Variants in NLGN4X observed in about 807,000 individuals in gnomAD.
NLGN4X encodes neuroligin 4 X-linked.
NLGN4X carries 3 observed loss-of-function variants against 40.3 expected under a neutral mutation model. The ratio of observed to expected loss-of-function variants is 0.07; its 90% confidence interval spans 0.03 to 0.19. NLGN4X has a LOEUF of 0.19. Among genes scored for constraint, NLGN4X ranks in the 10% least tolerant of loss-of-function variants. The pLI is 1.00. For missense variants in NLGN4X, 382 were observed against 708.3 expected (o/e 0.54, Z 5.23); for synonymous variants, 270 against 306.8 (o/e 0.88, Z 1.25).
intron 3 of NLGN4X, among the ~76,000 whole-genome samples, chrX:5,925,873 C>T (rs937552287): frequency 0.027 from 257 of 9,459 alleles, 3 homozygotes; most frequent in African/African-American, 0.068. Context: ...TATATATATA[C>T]ATACACACAT....
chrX:6,210,898 C>T (rs1924548760), intron 1 of NLGN4X, among the ~76,000 whole-genome samples: 1 of 112,210 alleles, frequency 8.9e-6, no homozygotes, highest in African/African-American at 3.2e-5. Context: ...AGAGGAACTA[C>T]TGTTGATAAT....
intron 2 of NLGN4X, among the ~76,000 whole-genome samples, chrX:6,083,487 G>A (rs2038421057): frequency 8.9e-6 from 1 of 111,998 alleles, no homozygotes; most frequent in African/African-American, 3.3e-5. Context: ...GCATCACTTA[G>A]CCACTGAAAG....
intron 1 of NLGN4X, among the ~76,000 whole-genome samples, chrX:6,184,998 G>A (rs1429303743): frequency 2.7e-5 from 3 of 112,410 alleles, no homozygotes; most frequent in Middle Eastern, 4.6e-3. Flanking sequence ...TAGACCTTAC[G>A]GCTACTGGTT....
At chrX:6,205,632 C>A (rs901511752) in intron 1 of NLGN4X, among the ~76,000 whole-genome samples, 1 of 111,901 alleles carries the variant, frequency 8.9e-6, no homozygotes, top group Non-Finnish European at 1.9e-5. Context: ...CTGGAGAAAC[C>A]CAACGTTGCA....
At chrX:6,106,469 T>C (rs947438298) in intron 2 of NLGN4X, among the ~76,000 whole-genome samples, 2 of 111,513 alleles carry the variant, frequency 1.8e-5, no homozygotes, top group Non-Finnish European at 3.8e-5. Flanking sequence ...GCATCCACCA[T>C]TACAGTATAA....
intron 3 of NLGN4X, among the ~76,000 whole-genome samples, chrX:5,909,753 A>G (rs2032393350): frequency 9.0e-6 from 1 of 110,963 alleles, no homozygotes; most frequent in Non-Finnish European, 1.9e-5. Flanking sequence ...AGTTATTAAC[A>G]TTTTGTTTTA....
chrX:6,228,677 A>T lies in NLGN4X; in HGVS notation c.-442T>A, dbSNP rs1298839233. ...AGCCTTCCCCTTCTGGAACCCCCCA[A>T]CTAGATTTCCTCATCCAGAGGAATG... is the stretch of plus-strand genomic sequence containing the variant. On this transcript the variant is annotated 5_prime_UTR_variant, in exon 1 of 6. It adds an upstream start codon to the 5' untranslated region. Transcript: ENST00000381095. The T allele has an allele frequency of 9.0e-6, 1 of 110,952 alleles. No individual in the cohort carries two copies. Among genetic ancestry groups the T allele is most frequent in the Non-Finnish European group, 1.9e-5 (1 of 53,022 alleles). The allele number at this position is 110,952 out of a possible 1,213,427, so 9.1% of individuals were successfully genotyped here.
intron 3 of NLGN4X, among the ~76,000 whole-genome samples, chrX:6,005,013 C>A (rs1340427780): frequency 8.9e-6 from 1 of 111,925 alleles, no homozygotes. Flanking sequence ...TGCAATCCAG[C>A]AAGAAAACAA....
rs1009180742 is a variant in NLGN4X at position 5,924,321 on chromosome X, T to A, written c.626-15082A>T. 1.1e-4 allele frequency among the ~76,000 whole-genome samples: 12 copies of A among 110,217 alleles called. No homozygotes were observed. The Admixed American group carries it at 1.2e-3, about 11-fold the overall frequency. ...TATTGTGTTTTACAAAATGAAATTA[T>A]ATATTCTCATACTTCTAAATGCTTT... On this transcript the variant is annotated intron_variant, in intron 3 of 5. Coordinates refer to ENST00000381095, the MANE Select transcript of NLGN4X (RefSeq NM_181332.3).
chrX:5,909,070 C>T lies in NLGN4X; in HGVS notation c.795G>A (p.Leu265=), dbSNP rs2032349174. Residue 265 remains leucine (L), a synonymous_variant, in exon 4 of 6, where the codon CTG becomes CTA. Transcript: ENST00000381095. ...CATTATTACCTTCTGAGTAGTGGGA[C>T]AGGGTCAACAGGCTGACACAGGAGG... ...AGASCVSLLT[L]SHYSEGLFQK... is the part of the protein sequence containing the mutation. 5.8e-6 allele frequency: 7 copies of T among 1,209,284 alleles called. No individual in the cohort carries two copies. The African/African-American group carries it at 1.1e-4, about 18-fold the overall frequency.
chrX:6,136,477 G>A (rs1446230418), intron 2 of NLGN4X, among the ~76,000 whole-genome samples: 2 of 111,462 alleles, frequency 1.8e-5, no homozygotes, highest in Non-Finnish European at 3.8e-5. Flanking sequence ...GTGGTTGTTG[G>A]CAGGATTCAA....
chrX:5,908,978 T>C (rs1244267363), intron 4 of NLGN4X, 76 bp downstream of exon 4: 32 of 1,099,539 alleles, frequency 2.9e-5, no homozygotes, highest in Non-Finnish European at 3.7e-5. Context: ...AGGACATGCA[T>C]CTGAGATATG....
At chrX:6,107,842 G>A (rs1485254528) in intron 2 of NLGN4X, among the ~76,000 whole-genome samples, 2 of 112,007 alleles carry the variant, frequency 1.8e-5, no homozygotes, top group Non-Finnish European at 1.9e-5. Flanking sequence ...CTAGGATAAT[G>A]GCCTCCAGCC....
intron 2 of NLGN4X, among the ~76,000 whole-genome samples, chrX:6,091,437 G>A (rs1438118219): frequency 1.8e-5 from 2 of 111,090 alleles, no homozygotes; most frequent in Non-Finnish European, 3.8e-5. Flanking sequence ...CCAGAAAATG[G>A]AACCCTCATG....
At chrX:6,000,592 G>A (rs148663592) in intron 3 of NLGN4X, among the ~76,000 whole-genome samples, 328 of 111,109 alleles carry the variant, frequency 3.0e-3, no homozygotes, top group African/African-American at 0.01. Flanking sequence ...GAACAACAAC[G>A]CCAGGCAAAA....
At chrX:6,121,310 G>A (rs1362217989) in intron 2 of NLGN4X, among the ~76,000 whole-genome samples, 4 of 70,562 alleles carry the variant, frequency 5.7e-5, no homozygotes, top group African/African-American at 2.6e-4. Context: ...CTGCATTGTT[G>A]TGTCTGACAA....
Position 5,893,017 on chromosome X carries a change from T to A in NLGN4X, c.2251A>T (p.Thr751Ser). The A allele has an allele frequency of 8.3e-7, 1 of 1,211,309 alleles. No homozygotes were observed. Among genetic ancestry groups the A allele is most frequent in the Non-Finnish European group, 1.1e-6 (1 of 895,409 alleles). ...TCTGGCGGGCAGGTGAGCCTCAGTG[T>A]GTCGTGTGCCTGCAGCGACTCACAC... The part of the protein sequence containing the change: ...HECESLQAHD[T>S]LRLTCPPDYT... Residue 751 changes from threonine to serine, a missense_variant, in exon 6 of 6, where the codon ACA becomes TCA. Transcript: ENST00000381095.
In NLGN4X at chrX:6,018,347, C is replaced by G. The variant is rs185581084; in HGVS notation, c.625+10933G>C. On this transcript the variant is annotated intron_variant, in intron 3 of 5. Coordinates refer to ENST00000381095, the MANE Select transcript of NLGN4X (RefSeq NM_181332.3). ...GAGGCAGACACTACTTTAAACCTTA[C>G]CAAATATTTCTTAAAACAAACAGGA... is the stretch of plus-strand genomic sequence containing the variant. Among the ~76,000 whole-genome samples, 192 of 111,972 alleles carry G rather than the reference C, an allele frequency of 1.7e-3. 3 individuals carry two copies. Among genetic ancestry groups the G allele is most frequent in the Non-Finnish European group, 7.1e-4 (38 of 53,191 alleles).
intron 2 of NLGN4X, among the ~76,000 whole-genome samples, chrX:6,077,981 T>C (rs1449885424): frequency 8.9e-6 from 1 of 111,863 alleles, no homozygotes; most frequent in Non-Finnish European, 1.9e-5. Context: ...TTTCTTGTAG[T>C]GTTACCTGAA....
Sources: allele counts gnomAD v4.1 joint callset (sites outside exome capture counted in the v4.1 genomes callset), GRCh38; gene constraint gnomAD v4.1.1; transcripts MANE v1.5; gene names NCBI Gene and HGNC (gene_info 2026-07-23, HGNC 2026-07-21).